Variants in METTL21A observed in about 807,000 individuals in gnomAD.
METTL21A encodes protein N-lysine methyltransferase METTL21A.
Under a neutral mutation model 20.9 loss-of-function variants are expected in METTL21A, and 22 were observed. The observed-to-expected ratio is 1.05, with a 90% CI of 0.75 to 1.50. The LOEUF (loss-of-function observed/expected upper bound fraction) is 1.50, where lower values mean the gene tolerates loss of function less well. Ranked by LOEUF, METTL21A falls within the 40% of genes most tolerant of loss-of-function variation. METTL21A has a pLI of 0.00. For synonymous variants in METTL21A, 93 were observed against 102.0 expected (o/e 0.91, Z 0.53); for missense variants, 271 against 266.8 (o/e 1.02, Z -0.11).
intron 3 of METTL21A, among the ~76,000 whole-genome samples, chr2:207,589,873 TA>T (rs1308871040): frequency 1.3e-5 from 2 of 152,208 alleles, no homozygotes; most frequent in African/African-American, 2.4e-5. Context: ...TGAGGATTTT[TA>T]TGTCTACGTT....
intron 3 of METTL21A, chr2:207,603,021 TC>T (rs2087358952): frequency 4.7e-6 from 1 of 214,140 alleles, no homozygotes; most frequent in South Asian, 1.9e-4. Context: ...AAAGAAGACT[TC>T]CCCCACAACT....
intron 3 of METTL21A, among the ~76,000 whole-genome samples, chr2:207,613,999 C>T (rs2089343757): frequency 1.3e-5 from 2 of 152,172 alleles, no homozygotes; most frequent in South Asian, 2.1e-4. Flanking sequence ...ACCAGTGACA[C>T]GGCTGATGCT....
At chr2:207,614,652 C>T (rs959167919) in intron 3 of METTL21A, among the ~76,000 whole-genome samples, 1 of 152,138 alleles carries the variant, frequency 6.6e-6, no homozygotes, top group Non-Finnish European at 1.5e-5. Flanking sequence ...TAAGTTTCTA[C>T]ACACAGTGTA....
At chr2:207,580,893 G>T, downstream of METTL21A, 1 of 218,660 alleles carries the variant, frequency 4.6e-6, no homozygotes, top group Non-Finnish European at 9.2e-6. Context: ...CAATGCTTTT[G>T]AAAGCATTTG....
intron 3 of METTL21A, among the ~76,000 whole-genome samples, chr2:207,583,385 A>C (rs911290758): frequency 9.9e-5 from 15 of 152,222 alleles, no homozygotes; most frequent in Admixed American, 9.8e-4. Flanking sequence ...TCTCCGACAG[A>C]AACTTGGCTT....
At chr2:207,590,566 T>C (rs1183200004) in intron 3 of METTL21A, among the ~76,000 whole-genome samples, 1 of 152,150 alleles carries the variant, frequency 6.6e-6, no homozygotes, top group Non-Finnish European at 1.5e-5. Flanking sequence ...TATATACCTT[T>C]GTCTTATTTC....
At chr2:207,585,596 T>TA (rs1184202448) in intron 3 of METTL21A, among the ~76,000 whole-genome samples, 1 of 151,996 alleles carries the variant, frequency 6.6e-6, no homozygotes, top group East Asian at 1.9e-4. Flanking sequence ...AGGTAATCAA[T>TA]AAAATGCCTG....
At chr2:207,616,841 C>T (rs1285366547) in intron 3 of METTL21A, among the ~76,000 whole-genome samples, 2 of 152,206 alleles carry the variant, frequency 1.3e-5, no homozygotes, top group African/African-American at 4.8e-5. Context: ...AAACTCCCAT[C>T]TCAAAAGAAA....
At chr2:207,595,276 G>A (rs1258367240) in intron 3 of METTL21A, among the ~76,000 whole-genome samples, 1 of 152,010 alleles carries the variant, frequency 6.6e-6, no homozygotes, top group Admixed American at 6.6e-5. Context: ...TTACAGGCAT[G>A]AGCCACCGCA....
At chr2:207,624,372 C>T (rs901422059) in exon 2 of METTL21A, 3 of 1,612,504 alleles carry the variant, frequency 1.9e-6, no homozygotes, top group African/African-American at 1.3e-5. Context: ...GGCACGAGGG[C>T]CATTCCGCCT....
At chr2:207,594,799 A>G (rs3951781) in intron 3 of METTL21A, among the ~76,000 whole-genome samples, 2 of 152,030 alleles carry the variant, frequency 1.3e-5, no homozygotes, top group African/African-American at 4.8e-5. Context: ...CCTCCATTCC[A>G]TTTTCCATAG....
intron 3 of METTL21A, chr2:207,620,818 G>A: frequency 1.2e-6 from 1 of 844,644 alleles, no homozygotes; most frequent in Non-Finnish European, 1.8e-6. Flanking sequence ...TAGTGAAAAA[G>A]TATTGGGTTT....
chr2:207,596,901 C>CT (rs750928903), intron 3 of METTL21A: 1 of 1,596,672 alleles, frequency 6.3e-7, no homozygotes, highest in Non-Finnish European at 8.5e-7. Context: ...TTCCCGTCCT[C>CT]TTTTGCTTGT....
At chr2:207,604,774 A>C (rs2087795127), downstream of METTL21A, among the ~76,000 whole-genome samples, 1 of 152,070 alleles carries the variant, frequency 6.6e-6, no homozygotes, top group Admixed American at 6.6e-5. Flanking sequence ...GGCAACCACC[A>C]ATCTGCTTCC....
intron 3 of METTL21A, among the ~76,000 whole-genome samples, chr2:207,583,040 T>C (rs2083220905): frequency 6.6e-6 from 1 of 152,026 alleles, no homozygotes; most frequent in Admixed American, 6.6e-5. Context: ...AAAGTAACAA[T>C]ATAACAATTT....
chr2:207,621,649 A>C (rs1286635818), intron 3 of METTL21A, among the ~76,000 whole-genome samples, 157 bp downstream of exon 3: 1 of 152,204 alleles, frequency 6.6e-6, no homozygotes, highest in Non-Finnish European at 1.5e-5. Context: ...GCCTCACTGG[A>C]GTTAAGAACC....
chr2:207,604,900 AC>A (rs2087829668), downstream of METTL21A, among the ~76,000 whole-genome samples: 1 of 152,166 alleles, frequency 6.6e-6, no homozygotes, highest in Admixed American at 6.5e-5. Flanking sequence ...TGTTATCACT[AC>A]TTCATTCCTT....
chr2:207,581,935 G>A (rs1300893542), exon 4 of METTL21A: 2 of 702,884 alleles, frequency 2.8e-6, no homozygotes, highest in Non-Finnish European at 5.2e-6. Flanking sequence ...GTTTGCATTT[G>A]TCCAGTGTTT....
chr2:207,604,321 C>T (rs55694411), downstream of METTL21A, among the ~76,000 whole-genome samples: 1 of 152,318 alleles, frequency 6.6e-6, no homozygotes, highest in African/African-American at 2.4e-5. Flanking sequence ...TTGCAAAACA[C>T]AGGCCCAAGA....
Sources: allele counts gnomAD v4.1 joint callset (sites outside exome capture counted in the v4.1 genomes callset), GRCh38; gene constraint gnomAD v4.1.1; transcripts MANE v1.5; gene names NCBI Gene and HGNC (gene_info 2026-07-23, HGNC 2026-07-21).